NME5: variants seen among roughly 807,000 people sequenced by gnomAD.
NME5 encodes the protein NME/NM23 family member 5, also known as nucleoside diphosphate kinase 5.
Under a neutral mutation model 21.6 loss-of-function variants are expected in NME5, and 18 were observed. The observed-to-expected ratio is 0.83, with a 90% confidence interval of 0.58 to 1.24. The LOEUF is 1.24. NME5 is among the 50% of genes most tolerant of loss of function. The pLI is 0.00. For synonymous variants in NME5, 70 were observed against 80.6 expected, an observed-to-expected ratio of 0.87 and a Z score of 0.71; for missense variants, 223 against 255.4, an observed-to-expected ratio of 0.87 and a Z score of 0.86.
At chr5:138,124,447 A>G (rs1751355117) in intron 4 of NME5, among the ~76,000 whole-genome samples, 1 of 152,188 alleles carries the variant, frequency 6.6e-6, no homozygotes, top group Non-Finnish European at 1.5e-5. Context: ...TATTTTAGAC[A>G]TTAACCCCTT....
intron 2 of NME5, 91 bp from the exon 3 acceptor site, chr5:138,129,559 TCTGATTATAA>T (rs1751511795): frequency 7.4e-6 from 6 of 810,106 alleles, no homozygotes; most frequent in Non-Finnish European, 1.2e-5. Flanking sequence ...CTAGTACCAA[TCTGATTATAA>T]CTTCAAGGTT....
intron 4 of NME5, among the ~76,000 whole-genome samples, chr5:138,125,982 C>T (rs933423348): frequency 1.2e-4 from 18 of 152,104 alleles, no homozygotes; most frequent in Admixed American, 1.1e-3. Context: ...AGTGAATCAT[C>T]GTATAAAGTT....
In NME5 at chr5:138,138,678, G is replaced by T. The variant is rs144279381; in HGVS notation, c.103C>A (p.Leu35Ile). Reference protein sequence around the residue: ...DKEEEIQDIILRSGFTIVQRR... With the variant: ...DKEEEIQDIIIRSGFTIVQRR... ...TGAACAATGGTGAATCCGGATCTAA[G>T]AATAATATCTTGTATCTCCTCCTCT... The change falls in exon 2 of 6, where the codon CTT becomes ATT. Residue 35 changes from leucine to isoleucine, a missense_variant. Coordinates refer to ENST00000265191, the MANE Select transcript of NME5 (RefSeq NM_003551.3). The T allele has an allele frequency of 2.2e-4, 361 of 1,612,038 alleles. No homozygotes were observed. The highest frequency in any genetic ancestry group is 2.9e-4 in the Non-Finnish European group (342 of 1,179,482).
At chr5:138,129,526 T>C in intron 2 of NME5, 58 bp from the exon 3 acceptor site, 1 of 1,202,476 alleles carries the variant, frequency 8.3e-7, no homozygotes, top group South Asian at 1.3e-5. Flanking sequence ...TGATAGCTCA[T>C]TAAAATCATT....
At chr5:138,127,502 T>A in intron 4 of NME5, 3 of 978,872 alleles carry the variant, frequency 3.1e-6, no homozygotes, top group Non-Finnish European at 3.6e-6. Context: ...GAGGAACAGA[T>A]CTAAATGACT....
At chr5:138,123,915 C>T (rs1287924327) in intron 4 of NME5, among the ~76,000 whole-genome samples, 3 of 150,490 alleles carry the variant, frequency 2.0e-5, no homozygotes, top group African/African-American at 7.3e-5. Flanking sequence ...TAATAGCCAT[C>T]CTAACGTGTG....
intron 4 of NME5, chr5:138,127,834 T>C (rs2151164166): frequency 7.8e-6 from 2 of 257,304 alleles, no homozygotes. Context: ...ATTTTTCTCA[T>C]GTGTCACAAA....
At chr5:138,133,979 T>A (rs974615493) in intron 2 of NME5, among the ~76,000 whole-genome samples, 3 of 152,204 alleles carry the variant, frequency 2.0e-5, no homozygotes, top group African/African-American at 4.8e-5. Context: ...AAATGGTAAA[T>A]TTTATGTTGT....
At chr5:138,130,042 T>G (rs948007641) in intron 2 of NME5, among the ~76,000 whole-genome samples, 1 of 152,198 alleles carries the variant, frequency 6.6e-6, no homozygotes, top group Admixed American at 6.5e-5. Flanking sequence ...ACACTTCAAT[T>G]AACAAAACTG....
At chr5:138,134,454 G>C (rs1052882801) in intron 2 of NME5, among the ~76,000 whole-genome samples, 12 of 151,988 alleles carry the variant, frequency 7.9e-5, no homozygotes, top group African/African-American at 2.9e-4. Context: ...ATGTTGGCCA[G>C]GCTGGTCTCG....
chr5:138,115,830 T>G (rs1391802531), intron 5 of NME5, 66 bp from the exon 6 acceptor site: 4 of 1,032,920 alleles, frequency 3.9e-6, no homozygotes, highest in Non-Finnish European at 5.6e-6. Flanking sequence ...ATATATACTA[T>G]ATCAATTGGA....
At chr5:138,131,301 A>C (rs1167788687) in intron 2 of NME5, among the ~76,000 whole-genome samples, 1 of 151,702 alleles carries the variant, frequency 6.6e-6, no homozygotes, top group Non-Finnish European at 1.5e-5. Flanking sequence ...GAATCACTTG[A>C]ACCCGGGAGG....
At chr5:138,119,886 A>AT (rs1018144830) in intron 4 of NME5, among the ~76,000 whole-genome samples, 1 of 150,764 alleles carries the variant, frequency 6.6e-6, no homozygotes, top group Non-Finnish European at 1.5e-5. Context: ...ATTTGGTGAT[A>AT]TTTTTTCCCA....
chr5:138,128,444 A>C, intron 4 of NME5, 35 bp downstream of exon 4: 1 of 1,413,268 alleles, frequency 7.1e-7, no homozygotes, highest in African/African-American at 1.4e-5. Context: ...AACAATAAGG[A>C]GATGCAGTTG....
intron 4 of NME5, among the ~76,000 whole-genome samples, chr5:138,120,230 C>CTTTTTT (rs59354099): frequency 5.7e-5 from 5 of 87,140 alleles, no homozygotes; most frequent in Non-Finnish European, 8.7e-5. Context: ...GCTCCCAGCT[C>CTTTTTT]TTTTTTTTTT....
chr5:138,130,622 CTA>C (rs1156950587), intron 2 of NME5, among the ~76,000 whole-genome samples: 1 of 151,768 alleles, frequency 6.6e-6, no homozygotes, highest in Non-Finnish European at 1.5e-5. Context: ...AACCCCATCT[CTA>C]CTAAAAATAC....
At chr5:138,124,137 T>C (rs1258720282) in intron 4 of NME5, among the ~76,000 whole-genome samples, 2 of 151,188 alleles carry the variant, frequency 1.3e-5, no homozygotes, top group Non-Finnish European at 3.0e-5. Flanking sequence ...GCTGGGATTA[T>C]AGGCACGTGC....
intron 3 of NME5, among the ~76,000 whole-genome samples, chr5:138,128,942 T>C (rs1030386215): frequency 1.3e-5 from 2 of 152,228 alleles, no homozygotes; most frequent in Non-Finnish European, 2.9e-5. Context: ...TTACCATTAT[T>C]CTTTTAAAAT....
chr5:138,131,963 T>C (rs1379778108), intron 2 of NME5, among the ~76,000 whole-genome samples: 1 of 152,202 alleles, frequency 6.6e-6, no homozygotes, highest in Non-Finnish European at 1.5e-5. Flanking sequence ...CAGGCTGCTC[T>C]TGAACTCCTG....
Sources: allele counts gnomAD v4.1 joint callset (sites outside exome capture counted in the v4.1 genomes callset), GRCh38; gene constraint gnomAD v4.1.1; transcripts MANE v1.5; gene names NCBI Gene and HGNC (gene_info 2026-07-23, HGNC 2026-07-21).